GAK: variants seen among roughly 807,000 people sequenced by gnomAD.
GAK encodes cyclin G associated kinase.
GAK carries 79 observed loss-of-function variants against 143.9 expected under a neutral mutation model. The ratio of observed to expected loss-of-function variants is 0.55; its 90% CI spans 0.46 to 0.66. GAK has a LOEUF of 0.66. Ranked by LOEUF, GAK falls within the 30% of genes least tolerant of loss-of-function variation. The pLI is 0.00. For synonymous variants in GAK, 881 were observed against 765.5 expected, an observed-to-expected ratio of 1.15 and a Z score of -2.49; for missense variants, 1,693 against 1,779.7, an observed-to-expected ratio of 0.95 and a Z score of 0.88.
At chr4:878,007 A>G (rs981707898) in intron 15 of GAK, among the ~76,000 whole-genome samples, 198 bp from the exon 16 acceptor site, 1 of 152,134 alleles carries the variant, frequency 6.6e-6, no homozygotes, top group African/African-American at 2.4e-5. Context: ...ATGTATTTTT[A>G]AGACAGAGTC....
chr4:864,501 C>T (rs1282057561), intron 23 of GAK, among the ~76,000 whole-genome samples: 3 of 152,214 alleles, frequency 2.0e-5, no homozygotes, highest in South Asian at 2.1e-4. Context: ...TCGCTGAGGC[C>T]GGCCCAAGAC....
intron 7 of GAK, 74 bp downstream of exon 7, chr4:896,386 C>T: frequency 2.7e-6 from 3 of 1,126,876 alleles, no homozygotes; most frequent in Non-Finnish European, 3.8e-6. Flanking sequence ...GTGGCAGGTG[C>T]CCGGCCCACG....
chr4:854,118 CTTTTTTTTT>C (rs573575985), intron 24 of GAK, among the ~76,000 whole-genome samples: 1 of 139,288 alleles, frequency 7.2e-6, no homozygotes, highest in Non-Finnish European at 1.6e-5. Flanking sequence ...CATTTTCTTT[CTTTTTTTTT>C]TTTTTTTAAT....
chr4:911,541 C>A, intron 4 of GAK, 132 bp downstream of exon 4: 1 of 618,876 alleles, frequency 1.6e-6, no homozygotes, highest in South Asian at 1.9e-5. Flanking sequence ...GCTGCCCGCG[C>A]TTCCCGCTAA....
intron 11 of GAK, chr4:888,237 A>G (rs1716919087): frequency 6.6e-6 from 1 of 152,356 alleles, no homozygotes; most frequent in South Asian, 2.1e-4. Context: ...CCGCAGGGCC[A>G]GATGAGCAGC....
chr4:899,480 C>T (rs1465416963), intron 5 of GAK, among the ~76,000 whole-genome samples: 1 of 152,154 alleles, frequency 6.6e-6, no homozygotes, highest in Non-Finnish European at 1.5e-5. Flanking sequence ...ACGGAAGGTG[C>T]TCGGCATGCA....
chr4:915,151 G>C (rs1577301976), intron 1 of GAK, among the ~76,000 whole-genome samples: 3 of 120,592 alleles, frequency 2.5e-5, no homozygotes, highest in African/African-American at 9.9e-5. Context: ...CACACACACA[G>C]CCCCAGTATA....
rs766382116 is a variant in GAK, at chr4:877,218, A to G, written c.1857-11T>C. 6.3e-6 allele frequency: 10 copies of G among 1,588,206 alleles called. No individual in the cohort carries two copies. In the Admixed American group the frequency reaches 1.2e-4, roughly 19 times the overall value. ...TCAATCTTAAAGTCCCTAAGGACAG[A>G]ATGACAAGAGAAAAATTTTAAAAAC... On this transcript the variant is annotated splice_polypyrimidine_tract_variant and intron_variant, in intron 16 of 27. Coordinates refer to ENST00000314167, the MANE Select transcript of GAK (RefSeq NM_005255.4).
In GAK at chr4:893,865, G is replaced by A. The variant is rs763352495; in HGVS notation, c.877+9C>T. 25 of 1,575,322 alleles carry A rather than the reference G, an allele frequency of 1.6e-5. No homozygotes were observed. Among genetic ancestry groups the A allele is most frequent in the African/African-American group, 8.1e-5 (6 of 74,220 alleles). ...TCCTGCCCCACGCACGCATTCCACCGGGACTTACGGATGAGGCTGTGGAAG... is the reference window on the plus strand; with the variant it reads ...TCCTGCCCCACGCACGCATTCCACCAGGACTTACGGATGAGGCTGTGGAAG... On this transcript the variant is annotated intron_variant, in intron 8 of 27. Transcript: ENST00000314167.
intron 24 of GAK, chr4:859,225 G>T: frequency 1.7e-6 from 2 of 1,189,720 alleles, no homozygotes; most frequent in Non-Finnish European, 2.1e-6. Flanking sequence ...GGTGGGCTCG[G>T]TTCTTGTGGC....
In GAK at chr4:867,222, G is replaced by T; in HGVS notation, c.2606C>A (p.Ala869Asp). 3 of 1,612,850 alleles carry T rather than the reference G, an allele frequency of 1.9e-6. No homozygotes were observed. The highest frequency in any genetic ancestry group is 2.5e-6 in the Non-Finnish European group (3 of 1,179,608). ...CTGTGGCACAGGCTCTGGCAGCACA[G>T]CCGGTGTCTCCACCTCAAAAACCAA... ...QDLVFEVETPAVLPEPVPQED... is the reference protein window; with the variant it reads ...QDLVFEVETPDVLPEPVPQED... Residue 869 changes from alanine to aspartate, a missense_variant, in exon 21 of 28, where the codon GCT becomes GAT. Physicochemically the swap from Ala to Asp is moderately radical, Grantham distance 126. Around this residue, in one of 2 missense-constraint regions of GAK, gnomAD observed 822 missense variants for 788.7 expected, o/e 1.04. Coordinates refer to ENST00000314167, the MANE Select transcript of GAK (RefSeq NM_005255.4).
intron 9 of GAK, 86 bp from the exon 10 acceptor site, chr4:890,708 C>A: frequency 1.9e-6 from 2 of 1,058,006 alleles, no homozygotes; most frequent in Non-Finnish European, 2.8e-6. Flanking sequence ...TATGGGTGCC[C>A]TCAGAGCCCA....
At chr4:914,693 C>T (rs574220334) in intron 1 of GAK, among the ~76,000 whole-genome samples, 69 of 111,116 alleles carry the variant, frequency 6.2e-4, no homozygotes, top group African/African-American at 2.4e-3. Flanking sequence ...ACCCCCAACA[C>T]ACAGAGCCCC....
At chr4:902,605 A>AAAAAAAAAAAACC (rs1180561371) in intron 5 of GAK, among the ~76,000 whole-genome samples, 2 of 130,310 alleles carry the variant, frequency 1.5e-5, no homozygotes, top group Non-Finnish European at 3.3e-5. Flanking sequence ...TCAAAAAAAA[A>AAAAAAAAAAAACC]AAAAAAAAAC....
At chr4:859,563 C>G in intron 24 of GAK, 43 bp downstream of exon 24, 1 of 1,587,156 alleles carries the variant, frequency 6.3e-7, no homozygotes, top group East Asian at 2.3e-5. Flanking sequence ...AAACCTCCTA[C>G]AAGGAAACAG....
intron 2 of GAK, among the ~76,000 whole-genome samples, 174 bp from the exon 3 acceptor site, chr4:912,968 A>G (rs1221407881): frequency 6.6e-6 from 1 of 152,246 alleles, no homozygotes; most frequent in East Asian, 1.9e-4. Context: ...TGGGGGTTCA[A>G]GACCCTCAAA....
chr4:859,855 C>T (rs528930182), intron 23 of GAK, 133 bp from the exon 24 acceptor site: 84 of 668,362 alleles, frequency 1.3e-4, no homozygotes, highest in Admixed American at 8.2e-4. Flanking sequence ...GCATGGCTTG[C>T]GTGCACGAGA....
chr4:894,254 G>GGGCGC, intron 7 of GAK: 1 of 392,832 alleles, frequency 2.5e-6, no homozygotes. Context: ...GGGCCGCGGG[G>GGGCGC]AGCGCAGGGG....
At chr4:849,830 C>CCGGGGCGG in intron 27 of GAK, 56 bp from the exon 28 acceptor site, 2 of 1,172,354 alleles carry the variant, frequency 1.7e-6, no homozygotes, top group Non-Finnish European at 2.4e-6. Flanking sequence ...GCGGGCGGGG[C>CCGGGGCGG]AGGACCCCCC....
Sources: allele counts gnomAD v4.1 joint callset (sites outside exome capture counted in the v4.1 genomes callset), GRCh38; gene constraint gnomAD v4.1.1; regional missense constraint gnomAD v4.1.1; transcripts MANE v1.5; gene names NCBI Gene and HGNC (gene_info 2026-07-23, HGNC 2026-07-21).